Variants in MORC3 observed in about 807,000 individuals in gnomAD.
MORC3 encodes the protein MORC family CW-type zinc finger 3.
Under a neutral mutation model 109.1 loss-of-function variants are expected in MORC3, and 31 were observed. That is an observed-to-expected ratio of 0.28 (90% CI 0.21 to 0.38). The LOEUF is 0.38. Ranked by LOEUF, MORC3 falls within the 10% of genes least tolerant of loss-of-function variation. The probability of loss-of-function intolerance (pLI) is 1.00; values close to 1 mark genes in which losing one functional copy is unlikely to be tolerated. For missense variants in MORC3, 867 were observed against 1,135.8 expected (o/e 0.76, Z 3.40); for synonymous variants, 395 against 380.7 (o/e 1.04, Z -0.44).
chr21:36,321,232 G>C (rs2085190750), intron 1 of MORC3, among the ~76,000 whole-genome samples: 1 of 152,126 alleles, frequency 6.6e-6, no homozygotes, highest in Admixed American at 6.6e-5. Context: ...TCTAACACCT[G>C]GTTTTGACGG....
intron 9 of MORC3, 76 bp from the exon 10 acceptor site, chr21:36,356,544 A>G (rs897549617): frequency 5.3e-5 from 47 of 888,410 alleles, no homozygotes; most frequent in Admixed American, 3.2e-4. Context: ...CACAGTGTCT[A>G]TGTACTCATT....
At chr21:36,355,537 A>G (rs1601530905) in intron 9 of MORC3, among the ~76,000 whole-genome samples, 2 of 152,176 alleles carry the variant, frequency 1.3e-5, no homozygotes, top group East Asian at 3.8e-4. Flanking sequence ...TGCACAAAGC[A>G]GTAGGGTTAG....
chr21:36,352,722 G>A (rs1292483118), intron 9 of MORC3, among the ~76,000 whole-genome samples: 1 of 151,960 alleles, frequency 6.6e-6, no homozygotes, highest in Non-Finnish European at 1.5e-5. Context: ...GTTATTAGGG[G>A]GACTGACTAC....
intron 10 of MORC3, among the ~76,000 whole-genome samples, chr21:36,359,086 A>T (rs1313914004): frequency 1.3e-5 from 2 of 152,196 alleles, no homozygotes; most frequent in Non-Finnish European, 2.9e-5. Flanking sequence ...AAGTTACTTA[A>T]ATTATAACAA....
At chr21:36,344,889 A>C in intron 7 of MORC3, 23 bp from the exon 8 acceptor site, 1 of 1,610,000 alleles carries the variant, frequency 6.2e-7, no homozygotes, top group Non-Finnish European at 8.5e-7. Flanking sequence ...TGTTGTGTTC[A>C]AAATTTACCT....
intron 14 of MORC3, among the ~76,000 whole-genome samples, chr21:36,365,323 A>G (rs1215381299): frequency 1.3e-5 from 2 of 152,202 alleles, no homozygotes; most frequent in African/African-American, 4.8e-5. Flanking sequence ...CCAATTTAAT[A>G]GAATGAAGAC....
chr21:36,362,270 T>G, intron 13 of MORC3, 42 bp downstream of exon 13: 1 of 1,560,062 alleles, frequency 6.4e-7, no homozygotes, highest in Non-Finnish European at 8.7e-7. Context: ...TAAATAGAGA[T>G]GGGGGCTGAC....
chr21:36,358,413 CTA>C (rs2085670901), intron 10 of MORC3, among the ~76,000 whole-genome samples: 2 of 151,782 alleles, frequency 1.3e-5, no homozygotes, highest in South Asian at 4.2e-4. Flanking sequence ...TGAAATAAAA[CTA>C]GATTTAAAAA....
chr21:36,325,883 C>G (rs935104904), intron 1 of MORC3, among the ~76,000 whole-genome samples: 20 of 152,260 alleles, frequency 1.3e-4, no homozygotes, highest in African/African-American at 4.3e-4. Context: ...CTGTGGTTAT[C>G]AGATTTGCTG....
intron 10 of MORC3, 59 bp downstream of exon 10, chr21:36,356,783 G>A (rs1239215242): frequency 5.3e-6 from 6 of 1,123,010 alleles, no homozygotes; most frequent in African/African-American, 1.6e-5. Context: ...GTATTAGAGA[G>A]TAAAGGGATT....
At position 36,364,095 on chromosome 21, in the gene MORC3, T is replaced by G. The variant is rs1555909347; in HGVS notation, c.1455T>G (p.Ile485Met). The stretch of plus-strand genomic sequence containing the variant: ...GTGATGATTTTTCCCTCCAACAGAT[T>G]AATGCTGAACTGTTGTTTCGGCCAA... ...RIRQPEMIPR[I>M]NAELLFRPTA... Residue 485 changes from isoleucine to methionine, a missense_variant and splice_region_variant, in exon 14 of 17, where the codon ATT becomes ATG. By Grantham distance (10) the Ile-to-Met change is conservative. This residue lies in a region of MORC3 where 486 missense variants were observed against 502.1 expected (regional missense o/e 0.97). Coordinates refer to ENST00000400485, the MANE Select transcript of MORC3 (RefSeq NM_015358.3). The G allele has an allele frequency of 1.2e-6, 2 of 1,612,610 alleles. No homozygotes were observed. Among genetic ancestry groups the G allele is most frequent in the Non-Finnish European group, 1.7e-6 (2 of 1,179,662 alleles).
At chr21:36,340,166 T>C (rs1298349544) in intron 5 of MORC3, among the ~76,000 whole-genome samples, 2 of 151,206 alleles carry the variant, frequency 1.3e-5, no homozygotes, top group Non-Finnish European at 1.5e-5. Flanking sequence ...TAGTCCCAGC[T>C]ACTAAGGAGG....
chr21:36,334,936 C>T (rs56177188), intron 2 of MORC3, among the ~76,000 whole-genome samples: 1 of 151,926 alleles, frequency 6.6e-6, no homozygotes, highest in Non-Finnish European at 1.5e-5. Flanking sequence ...TTGGGGCCCA[C>T]CCTGAGAAAC....
rs2085341484 is a variant in MORC3 at position 36,333,775 on chromosome 21, T to TG, written c.112+57_112+58insG. ...TTGCTTACAATTGTAGTGTTTTTTT[T>TG]TTTGTTTTGTTTTGTTTTTTTTTTT... On this transcript the variant is annotated intron_variant, in intron 2 of 16. Transcript: ENST00000400485. 4.6e-6 allele frequency: 6 copies of TG among 1,314,838 alleles called. No individual in the cohort carries two copies. In the African/African-American group the frequency reaches 1.0e-4, roughly 22 times the overall value. 81.4% of individuals were successfully genotyped at this position (1,314,838 alleles called of 1,614,324 possible).
rs374237830 is a variant in MORC3, at chr21:36,341,417, G to A, written c.627G>A (p.Glu209=). 3 of 1,599,574 alleles carry A rather than the reference G, an allele frequency of 1.9e-6. No individual in the cohort carries two copies. Among genetic ancestry groups the A allele is most frequent in the Non-Finnish European group, 2.5e-6 (3 of 1,176,908 alleles). ...TTTACAGCTACAAAAATGCAACAGA[G>A]TTCGATTTTGAAAAGGATAAATATG... ...WNLRSYKNAT[E]FDFEKDKYDI... The change falls in exon 6 of 17, where the codon GAG becomes GAA. Residue 209 remains glutamate, a synonymous_variant. Transcript: ENST00000400485.
intron 2 of MORC3, among the ~76,000 whole-genome samples, chr21:36,335,884 C>T (rs577873602): frequency 2.6e-5 from 4 of 152,234 alleles, no homozygotes; most frequent in Admixed American, 6.5e-5. Context: ...ACACTCAGAT[C>T]TCTTTCCCCT....
rs544126593 is a variant in MORC3, at chr21:36,344,484, T to C, written c.757-95T>C. On this transcript the variant is annotated intron_variant, in intron 6 of 16. Coordinates refer to ENST00000400485, the MANE Select transcript of MORC3 (RefSeq NM_015358.3). ...TTTTATTGAAGAGTTAATTGATCTT[T>C]TATCAAGTTAATAGGAGAGCTTCTG... 2.9e-6 allele frequency: 4 copies of C among 1,365,926 alleles called. No individual in the cohort carries two copies. The African/African-American group carries it at 5.8e-5, about 20-fold the overall frequency. 84.6% of individuals were successfully genotyped at this position (1,365,926 alleles called of 1,614,324 possible). A position where few individuals can be genotyped will look rare whatever the true frequency, so the allele number is the denominator to read the frequency against.
At chr21:36,341,784 AC>A (rs1040639663) in intron 6 of MORC3, among the ~76,000 whole-genome samples, 1 of 151,972 alleles carries the variant, frequency 6.6e-6, no homozygotes, top group Non-Finnish European at 1.5e-5. Context: ...TTGTTTGGAA[AC>A]CCTTTTTAAA....
intron 9 of MORC3, among the ~76,000 whole-genome samples, chr21:36,351,428 A>G (rs1028966016): frequency 1.3e-5 from 2 of 151,876 alleles, no homozygotes; most frequent in African/African-American, 4.8e-5. Context: ...GTATTTTTAT[A>G]CTCATTAGCC....
Sources: allele counts gnomAD v4.1 joint callset (sites outside exome capture counted in the v4.1 genomes callset), GRCh38; gene constraint gnomAD v4.1.1; regional missense constraint gnomAD v4.1.1; transcripts MANE v1.5; gene names NCBI Gene and HGNC (gene_info 2026-07-23, HGNC 2026-07-21).